CNTN5: variants seen among roughly 807,000 people sequenced by gnomAD.
The protein encoded by CNTN5 is contactin-5.
A neutral mutation model predicts 129.1 loss-of-function variants in CNTN5; 77 were observed. That is an observed-to-expected ratio of 0.60 (90% confidence interval 0.50 to 0.72). The LOEUF is 0.72. Among genes scored for constraint, CNTN5 ranks in the 30% least tolerant of loss-of-function variants. The pLI is 0.00. For missense variants in CNTN5, 1,478 were observed against 1,328.8 expected (o/e 1.11, Z -1.75); for synonymous variants, 509 against 465.6 (o/e 1.09, Z -1.20).
rs150862261 is a variant in CNTN5 at position 99,590,486 on chromosome 11, A to G, written c.55+34217A>G. ...CAAGTGGCAAAGTTAAGATAGGACAATATTTCCAAGTAGATAACACAGTAC... is the reference window on the plus strand; with the variant it reads ...CAAGTGGCAAAGTTAAGATAGGACAGTATTTCCAAGTAGATAACACAGTAC... On this transcript the variant is annotated intron_variant, in intron 3 of 24. Coordinates refer to ENST00000524871, the MANE Select transcript of CNTN5 (RefSeq NM_014361.4). Among the ~76,000 whole-genome samples, 34 of 152,358 alleles carry G rather than the reference A, an allele frequency of 2.2e-4. 1 individual carries two copies. Among genetic ancestry groups the G allele is most frequent in the Admixed American group, 1.8e-3 (28 of 15,302 alleles).
At chr11:99,447,043 G>A (rs1944101679) in intron 2 of CNTN5, among the ~76,000 whole-genome samples, 1 of 152,144 alleles carries the variant, frequency 6.6e-6, no homozygotes, top group Non-Finnish European at 1.5e-5. Flanking sequence ...CTATTTTCTG[G>A]GCTGTAACAA....
chr11:100,004,581 C>T (rs1222072942), intron 9 of CNTN5, among the ~76,000 whole-genome samples: 1 of 152,170 alleles, frequency 6.6e-6, no homozygotes, highest in Non-Finnish European at 1.5e-5. Flanking sequence ...CAGATGTAAT[C>T]AGGATCCAAC....
chr11:99,315,478 A>T (rs1056584106), intron 1 of CNTN5, among the ~76,000 whole-genome samples: 1 of 149,560 alleles, frequency 6.7e-6, no homozygotes, highest in Non-Finnish European at 1.5e-5. Flanking sequence ...TTGGAGATGG[A>T]AAAGAAAATT....
At chr11:100,169,956 T>A (rs918750862) in intron 13 of CNTN5, among the ~76,000 whole-genome samples, 1 of 151,974 alleles carries the variant, frequency 6.6e-6, no homozygotes, top group African/African-American at 2.4e-5. Context: ...AATATTTTCC[T>A]CCCAGATTCT....
chr11:100,074,513 G>T, intron 13 of CNTN5: 2 of 431,098 alleles, frequency 4.6e-6, no homozygotes, highest in Non-Finnish European at 8.1e-6. Flanking sequence ...AGCATAAGTT[G>T]GATATTTCAC....
chr11:99,328,649 T>C (rs1865878888), intron 2 of CNTN5, among the ~76,000 whole-genome samples: 1 of 151,952 alleles, frequency 6.6e-6, no homozygotes, highest in African/African-American at 2.4e-5. Context: ...GATGGGTGGA[T>C]CACCTGAGGT....
chr11:100,343,959 C>T (rs1442450), intron 23 of CNTN5, among the ~76,000 whole-genome samples: 42,194 of 151,886 alleles, frequency 0.28, 6,142 homozygotes, highest in Middle Eastern at 0.31. Context: ...TAGTTTGAGG[C>T]GGGCTTGACC....
At chr11:99,854,056 C>T (rs988368525) in intron 6 of CNTN5, among the ~76,000 whole-genome samples, 1 of 152,144 alleles carries the variant, frequency 6.6e-6, no homozygotes, top group Non-Finnish European at 1.5e-5. Flanking sequence ...TCTGATCCCT[C>T]TAGGACATTG....
intron 2 of CNTN5, among the ~76,000 whole-genome samples, chr11:99,435,787 TAC>T (rs1943576057): frequency 6.6e-6 from 1 of 152,198 alleles, no homozygotes; most frequent in African/African-American, 2.4e-5. Flanking sequence ...GAGAATCGTA[TAC>T]ATAGACAAGC....
intron 1 of CNTN5, among the ~76,000 whole-genome samples, chr11:99,028,241 G>A (rs538928869): frequency 1.3e-5 from 2 of 151,716 alleles, no homozygotes; most frequent in Non-Finnish European, 3.0e-5. Context: ...CTTTAACGTG[G>A]TCTTGTTAGT....
intron 13 of CNTN5, among the ~76,000 whole-genome samples, chr11:100,167,110 G>T (rs1291554316): frequency 6.6e-6 from 1 of 151,440 alleles, no homozygotes; most frequent in African/African-American, 2.4e-5. Context: ...TTTTAAAGTG[G>T]CATTTCCTGC....
At chr11:99,107,349 G>T (rs891196641) in intron 1 of CNTN5, among the ~76,000 whole-genome samples, 4 of 151,930 alleles carry the variant, frequency 2.6e-5, no homozygotes, top group African/African-American at 7.3e-5. Context: ...TCATTTGTTG[G>T]TTTTTTTAAA....
chr11:100,002,047 A>C lies in CNTN5; in HGVS notation c.891A>C (p.Glu297Asp), dbSNP rs1344143328. Residue 297 changes from glutamate (E) to aspartate (D), a missense_variant, in exon 9 of 25, where the codon GAA becomes GAC. Coordinates refer to ENST00000524871, the MANE Select transcript of CNTN5 (RefSeq NM_014361.4). ...TTTCTTTCTAAGGTGTGATGGGAGA[A>C]TATGAGCCGAAAATTGAGGTCCATT... ...LTLRNDGVMG[E>D]YEPKIEVHFP... 1 of 1,594,650 alleles carries C rather than the reference A, an allele frequency of 6.3e-7. No homozygotes were observed. The highest frequency in any genetic ancestry group is 8.5e-7 in the Non-Finnish European group (1 of 1,173,142).
rs141408006 is a variant in CNTN5, at chr11:99,686,244, G to A, written c.55+129975G>A. Among the ~76,000 whole-genome samples, 513 of 151,988 alleles carry A rather than the reference G, an allele frequency of 3.4e-3. 4 individuals are homozygous for A. The highest frequency in any genetic ancestry group is 0.012 in the African/African-American group (479 of 41,496). ...TCCACTGCTCTCTATTCCTTCCTGC[G>A]TCTCTAATGCTTATTTAGAGTCATT... On this transcript the variant is annotated intron_variant, in intron 3 of 24. Transcript: ENST00000524871.
At chr11:99,283,526 T>C (rs562931400) in intron 1 of CNTN5, among the ~76,000 whole-genome samples, 8 of 152,226 alleles carry the variant, frequency 5.3e-5, no homozygotes, top group African/African-American at 1.9e-4. Flanking sequence ...AATCATTCAG[T>C]CCACTTTTAT....
At chr11:99,720,424 A>C (rs551172539) in intron 3 of CNTN5, among the ~76,000 whole-genome samples, 2 of 149,392 alleles carry the variant, frequency 1.3e-5, no homozygotes, top group Admixed American at 1.3e-4. Context: ...GATTATTTCA[A>C]TAGATGTAGA....
intron 6 of CNTN5, among the ~76,000 whole-genome samples, chr11:99,852,402 C>G (rs760194199): frequency 2.2e-4 from 33 of 152,136 alleles, no homozygotes; most frequent in Non-Finnish European, 4.1e-4. Context: ...GTCTTGAGCT[C>G]GTGGTTTCAA....
chr11:99,350,626 A>C (rs1475407751), intron 2 of CNTN5, among the ~76,000 whole-genome samples: 1 of 152,180 alleles, frequency 6.6e-6, no homozygotes, highest in Non-Finnish European at 1.5e-5. Flanking sequence ...AAGCGGTAAG[A>C]AGGAACAAAC....
intron 1 of CNTN5, among the ~76,000 whole-genome samples, chr11:99,092,326 G>T (rs752895041): frequency 6.6e-6 from 1 of 152,004 alleles, no homozygotes; most frequent in Admixed American, 6.5e-5. Context: ...ATTGTGCAAA[G>T]ATATACAGAG....
Sources: gnomAD v4.1 joint callset for allele counts (sites outside exome capture counted in the v4.1 genomes callset) on GRCh38, gnomAD v4.1.1 for gene constraint, MANE v1.5 for transcripts, NCBI Gene and HGNC (gene_info 2026-07-23, HGNC 2026-07-21) for gene names.